Variants in RSPO2 observed in about 807,000 individuals in gnomAD.
RSPO2 encodes the protein R-spondin 2, also known as R-spondin-2.
RSPO2 carries 14 observed loss-of-function variants against 30.9 expected under a neutral mutation model. The observed-to-expected ratio is 0.45, with a 90% confidence interval of 0.30 to 0.71. RSPO2 has a LOEUF of 0.71. RSPO2 is among the 30% of genes least tolerant of loss of function. The pLI, the probability that RSPO2 is intolerant of heterozygous loss-of-function variation, is 0.08. For synonymous variants in RSPO2, 107 were observed against 96.4 expected (o/e 1.11, Z -0.64); for missense variants, 264 against 301.9 (o/e 0.87, Z 0.93).
intron 2 of RSPO2, among the ~76,000 whole-genome samples, chr8:108,000,412 G>A (rs749690098): frequency 6.6e-6 from 1 of 152,098 alleles, no homozygotes; most frequent in African/African-American, 2.4e-5. Context: ...CATCTGGTGG[G>A]GGAGTCAGAG....
intron 5 of RSPO2, among the ~76,000 whole-genome samples, chr8:107,955,829 G>T (rs1031436832): frequency 6.6e-6 from 1 of 152,130 alleles, no homozygotes; most frequent in African/African-American, 2.4e-5. Context: ...GTGCAATCAG[G>T]TTAAGATTGG....
At chr8:108,028,347 G>A (rs1415395623) in intron 2 of RSPO2, among the ~76,000 whole-genome samples, 2 of 152,110 alleles carry the variant, frequency 1.3e-5, no homozygotes, top group Admixed American at 1.3e-4. Context: ...TCCAATCCTG[G>A]AAGTAATTTC....
intron 5 of RSPO2, among the ~76,000 whole-genome samples, chr8:107,931,947 T>TA (rs1812565135): frequency 6.6e-6 from 1 of 152,220 alleles, no homozygotes; most frequent in African/African-American, 2.4e-5. Flanking sequence ...ATTAACAAGT[T>TA]ACCTGAAAAT....
intron 2 of RSPO2, among the ~76,000 whole-genome samples, chr8:108,003,305 ATATATATTTTTTTTTTTTT>A (rs1289798130): frequency 4.6e-3 from 121 of 26,408 alleles, no homozygotes; most frequent in African/African-American, 0.023. Context: ...ATATATATAT[ATATATATTTTTTTTTTTTT>A]TTTTTTTTTT....
At chr8:107,924,514 A>C (rs60634347) in intron 5 of RSPO2, among the ~76,000 whole-genome samples, 14,688 of 152,062 alleles carry the variant, frequency 0.097, 834 homozygotes, top group East Asian at 0.18. Context: ...CAACATTTTT[A>C]TAAAAGATCA....
At chr8:108,080,764 A>C (rs531550927) in intron 2 of RSPO2, among the ~76,000 whole-genome samples, 2 of 152,376 alleles carry the variant, frequency 1.3e-5, no homozygotes, top group South Asian at 4.1e-4. Context: ...AAGTCATCTA[A>C]TAAGGATCTG....
chr8:107,954,693 T>A (rs570197554), intron 5 of RSPO2, among the ~76,000 whole-genome samples: 2 of 152,126 alleles, frequency 1.3e-5, no homozygotes, highest in Non-Finnish European at 2.9e-5. Flanking sequence ...TCAATGCAAC[T>A]TCCACCTCCG....
chr8:107,926,108 G>T lies in RSPO2; in HGVS notation c.617-24918C>A, dbSNP rs180817807. Reference sequence around the variant, plus strand: ...TAATGACTGCCATTCTAAATGGTGTGAGATGGTATCTCATTGTGGTTTTGA... The same window carrying T: ...TAATGACTGCCATTCTAAATGGTGTTAGATGGTATCTCATTGTGGTTTTGA... On this transcript the variant is annotated intron_variant, in intron 5 of 5. Transcript: ENST00000276659. 3.8e-4 allele frequency among the ~76,000 whole-genome samples: 58 copies of T among 152,264 alleles called. 1 individual carries two copies. The highest frequency in any genetic ancestry group is 3.4e-3 in the Middle Eastern group (1 of 294).
At chr8:107,924,093 TA>T (rs35777465) in intron 5 of RSPO2, among the ~76,000 whole-genome samples, 56,038 of 146,282 alleles carry the variant, frequency 0.38, 12,003 homozygotes, top group East Asian at 0.66. Flanking sequence ...AACATACAAT[TA>T]AAAAAAAAAA....
intron 2 of RSPO2, among the ~76,000 whole-genome samples, chr8:107,995,170 T>C (rs1028426242): frequency 6.6e-6 from 1 of 152,188 alleles, no homozygotes; most frequent in Non-Finnish European, 1.5e-5. Context: ...TGTTCTCTTT[T>C]ATTTGCATGT....
At chr8:107,950,787 C>T (rs149408939) in intron 5 of RSPO2, among the ~76,000 whole-genome samples, 3 of 150,938 alleles carry the variant, frequency 2.0e-5, no homozygotes, top group African/African-American at 7.3e-5. Context: ...ACCTCTGTTA[C>T]ACAAAGTAAT....
chr8:108,047,970 A>G (rs539509273), intron 2 of RSPO2, among the ~76,000 whole-genome samples: 1 of 152,172 alleles, frequency 6.6e-6, no homozygotes, highest in South Asian at 2.1e-4. Flanking sequence ...TCTATTCTTT[A>G]GAGAACAAAT....
intron 2 of RSPO2, among the ~76,000 whole-genome samples, chr8:108,070,653 T>C (rs1273660361): frequency 2.0e-5 from 3 of 152,282 alleles, no homozygotes; most frequent in South Asian, 2.1e-4. Context: ...CAAGACTTTA[T>C]ATTTAACTAC....
chr8:108,067,875 G>T (rs1327835258), intron 2 of RSPO2, among the ~76,000 whole-genome samples: 1 of 152,076 alleles, frequency 6.6e-6, no homozygotes, highest in Non-Finnish European at 1.5e-5. Flanking sequence ...GATCACAAAG[G>T]TCAGGAGTTT....
At chr8:108,011,899 G>C (rs969503372) in intron 2 of RSPO2, among the ~76,000 whole-genome samples, 6 of 152,152 alleles carry the variant, frequency 3.9e-5, no homozygotes, top group Non-Finnish European at 7.4e-5. Context: ...CCTTTACTGA[G>C]TTTTACTGCC....
At chr8:108,069,361 G>T (rs1486716552) in intron 2 of RSPO2, among the ~76,000 whole-genome samples, 4 of 152,040 alleles carry the variant, frequency 2.6e-5, no homozygotes, top group Non-Finnish European at 5.9e-5. Context: ...CTACAGGCAT[G>T]CACCACCCCA....
intron 2 of RSPO2, among the ~76,000 whole-genome samples, chr8:108,059,444 C>T (rs569342716): frequency 0.027 from 4,034 of 151,228 alleles, 226 homozygotes; most frequent in African/African-American, 0.091. Flanking sequence ...GTCAGTGTGG[C>T]GATTCCTCAG....
rs940450184 is a variant in RSPO2, at chr8:107,900,997, C to T, written c.*78G>A. On this transcript the variant is annotated 3_prime_UTR_variant, in exon 6 of 6. Transcript: ENST00000276659. ...GCAGAGCAGCACAAAGGCTGCACAC[C>T]AGTGTGCAGGAGTGGAGAGTAGCTT... The T allele has an allele frequency of 5.5e-6, 8 of 1,450,162 alleles. No homozygotes were observed. Among genetic ancestry groups the T allele is most frequent in the Non-Finnish European group, 6.7e-6 (7 of 1,052,502 alleles). The allele number at this position is 1,450,162 out of a possible 1,614,324, so 89.8% of individuals were successfully genotyped here.
At chr8:108,044,026 T>A (rs1207333908) in intron 2 of RSPO2, among the ~76,000 whole-genome samples, 1 of 152,060 alleles carries the variant, frequency 6.6e-6, no homozygotes, top group African/African-American at 2.4e-5. Flanking sequence ...TGATACCCAG[T>A]AGGGTCTTAA....
Sources: allele counts gnomAD v4.1 joint callset (sites outside exome capture counted in the v4.1 genomes callset), GRCh38; gene constraint gnomAD v4.1.1; transcripts MANE v1.5; gene names NCBI Gene and HGNC (gene_info 2026-07-23, HGNC 2026-07-21).